The following LSR variants were observed in gnomAD, a reference collection of about 807,000 sequenced individuals.
LSR encodes lipolysis-stimulated lipoprotein receptor.
A neutral mutation model predicts 61.8 loss-of-function variants in LSR; 44 were observed. The ratio of observed to expected loss-of-function variants is 0.71; its 90% CI spans 0.56 to 0.91. The LOEUF (loss-of-function observed/expected upper bound fraction) is 0.91. LSR is among the 40% of genes least tolerant of loss of function. The pLI is 0.00. For synonymous variants in LSR, 397 were observed against 350.6 expected, an observed-to-expected ratio of 1.13 and a Z score of -1.48; for missense variants, 911 against 830.5, an observed-to-expected ratio of 1.10 and a Z score of -1.19.
At chr19:35,252,648 CAAAAAAA>C (rs57052855) in intron 2 of LSR, among the ~76,000 whole-genome samples, 2 of 74,768 alleles carry the variant, frequency 2.7e-5, no homozygotes, top group East Asian at 4.2e-4. Context: ...GACTCTGTCT[CAAAAAAA>C]AAAAAAAAAA....
chr19:35,264,904 G>A (rs2065976713), intron 5 of LSR: 1 of 152,052 alleles, frequency 6.6e-6, no homozygotes, highest in South Asian at 2.1e-4. Context: ...AGTAGTGACT[G>A]AGGGACAGGG....
intron 5 of LSR, among the ~76,000 whole-genome samples, chr19:35,265,309 A>C (rs563855328): frequency 6.6e-6 from 1 of 152,254 alleles, no homozygotes; most frequent in East Asian, 1.9e-4. Flanking sequence ...CTGTCCCCAC[A>C]CCACATTTCC....
chr19:35,262,560 G>A lies in LSR; in HGVS notation c.646G>A (p.Val216Ile), dbSNP rs747065655. Residue 216 changes from valine (V) to isoleucine (I), a missense_variant, in exon 5 of 10, where the codon GTT becomes ATT. Coordinates refer to ENST00000605618, the MANE Select transcript of LSR (RefSeq NM_205834.4). ...AGPIEDWLFV[V>I]VVCLAAFLIF... ...TCTTTCTGCAGACTGGCTCTTCGTG[G>A]TTGTGGTATGCCTGGCTGCCTTCCT... 12 of 1,614,116 alleles carry A rather than the reference G, an allele frequency of 7.4e-6. No homozygotes were observed. The highest frequency in any genetic ancestry group is 5.0e-5 in the Admixed American group (3 of 60,004).
At chr19:35,260,021 CAT>C (rs2065906250) in intron 3 of LSR, among the ~76,000 whole-genome samples, 1 of 152,190 alleles carries the variant, frequency 6.6e-6, no homozygotes, top group African/African-American at 2.4e-5. Flanking sequence ...GCCATCTTCA[CAT>C]GTGTGAATGA....
intron 3 of LSR, among the ~76,000 whole-genome samples, chr19:35,260,865 C>A (rs2065919117): frequency 6.6e-6 from 1 of 151,932 alleles, no homozygotes; most frequent in Non-Finnish European, 1.5e-5. Context: ...CGCATATAGT[C>A]CATTAGGCAT....
In LSR at chr19:35,262,441, A is replaced by G. The variant is rs368375294; in HGVS notation, c.632-105A>G. 6.8e-5 allele frequency: 91 copies of G among 1,335,570 alleles called. 1 individual carries two copies. In the African/African-American group the frequency reaches 1.2e-3, roughly 18 times the overall value. 82.7% of individuals were successfully genotyped at this position (1,335,570 alleles called of 1,614,324 possible). On this transcript the variant is annotated intron_variant, in intron 4 of 9. Coordinates refer to ENST00000605618, the MANE Select transcript of LSR (RefSeq NM_205834.4). ...GCAGGTTCCTTGGTGAGCTTTGCAAATCGTCCCCGACCTCAGTGCTGGCTC... is the reference window on the plus strand; with the variant it reads ...GCAGGTTCCTTGGTGAGCTTTGCAAGTCGTCCCCGACCTCAGTGCTGGCTC...
chr19:35,267,388 A>G lies in LSR; in HGVS notation c.1424A>G (p.Tyr475Cys). ...PTSNGGRSRA[Y>C]MPPRSRSRDD... ...AGTAATGGTGGGAGAAGCCGGGCCT[A>G]CATGCCCCCGCGGAGCCGCAGCCGG... The change falls in exon 9 of 10, where the codon TAC becomes TGC. Residue 475 changes from tyrosine to cysteine, a missense_variant. Coordinates refer to ENST00000605618, the MANE Select transcript of LSR (RefSeq NM_205834.4). The G allele has an allele frequency of 6.2e-7, 1 of 1,604,838 alleles. No individual in the cohort carries two copies.
chr19:35,266,665 C>G lies in LSR; in HGVS notation c.953-14C>G, dbSNP rs1386166205. On this transcript the variant is annotated splice_polypyrimidine_tract_variant and intron_variant, in intron 6 of 9. Transcript: ENST00000605618. ...GCTCCTGGTGCGCGGCCACTGACAG[C>G]CACTCTCCCCCAGCTGGTGGCCAAG... The G allele has an allele frequency of 1.2e-6, 2 of 1,604,990 alleles. No homozygotes were observed. The highest frequency in any genetic ancestry group is 2.7e-5 in the African/African-American group (2 of 74,942).
intron 2 of LSR, among the ~76,000 whole-genome samples, chr19:35,257,140 G>A (rs965666688): frequency 4.6e-5 from 7 of 152,078 alleles, no homozygotes; most frequent in African/African-American, 1.7e-4. Flanking sequence ...GTCCGGCCAA[G>A]AGGGTGTTCA....
intron 3 of LSR, among the ~76,000 whole-genome samples, chr19:35,261,159 C>T (rs1419737001): frequency 1.3e-5 from 2 of 151,926 alleles, no homozygotes; most frequent in East Asian, 3.9e-4. Flanking sequence ...CAGGGGCACT[C>T]GAGGGAAGAC....
Position 35,267,728 on chromosome 19 carries a change from CAAG to C in LSR, c.1768_1770del (p.Lys590del), listed in dbSNP as rs750760207. 1.2e-5 allele frequency: 20 copies of C among 1,608,042 alleles called. No individual in the cohort carries two copies. Among genetic ancestry groups the C allele is most frequent in the Admixed American group, 1.7e-5 (1 of 58,146 alleles). ...CGCAGGCGTCCCGAGAGCGCAGGCT[CAAG>C]AAGGTGAGGGCCGCCCTCCCTGGCG... is the stretch of plus-strand genomic sequence containing the variant. On this transcript the variant is annotated inframe_deletion, in exon 9 of 10. Coordinates refer to ENST00000605618, the MANE Select transcript of LSR (RefSeq NM_205834.4).
intron 2 of LSR, among the ~76,000 whole-genome samples, chr19:35,256,449 G>A (rs2065857903): frequency 6.6e-6 from 1 of 152,230 alleles, no homozygotes; most frequent in Non-Finnish European, 1.5e-5. Flanking sequence ...TCCGAAGCCT[G>A]GCTGGATAGA....
At chr19:35,249,965 C>T (rs929467165) in intron 1 of LSR, among the ~76,000 whole-genome samples, 4 of 152,124 alleles carry the variant, frequency 2.6e-5, no homozygotes, top group African/African-American at 9.7e-5. Context: ...TCAACATGGC[C>T]ATCTGGGCTT....
At chr19:35,265,180 T>C (rs1388238793) in intron 5 of LSR, among the ~76,000 whole-genome samples, 1 of 152,186 alleles carries the variant, frequency 6.6e-6, no homozygotes, top group Non-Finnish European at 1.5e-5. Context: ...TGACAGCTTT[T>C]TGCTCAGTGA....
At chr19:35,255,715 CT>C (rs2065848107) in intron 2 of LSR, among the ~76,000 whole-genome samples, 1 of 152,192 alleles carries the variant, frequency 6.6e-6, no homozygotes, top group African/African-American at 2.4e-5. Flanking sequence ...CCCTGGCCTC[CT>C]TGTTTAAAAT....
Position 35,266,800 on chromosome 19 carries a change from A to G in LSR, c.1013-36A>G. Reference sequence around the variant, plus strand: ...AAGGGAGAGGGGTGGGCCAGGATCCATCCTCCCAAACCGACCACCACCCCC... The same window carrying G: ...AAGGGAGAGGGGTGGGCCAGGATCCGTCCTCCCAAACCGACCACCACCCCC... On this transcript the variant is annotated intron_variant, in intron 7 of 9. Transcript: ENST00000605618. 3 of 1,608,014 alleles carry G rather than the reference A, an allele frequency of 1.9e-6. No homozygotes were observed. In the East Asian group the frequency reaches 6.7e-5, roughly 36 times the overall value.
At chr19:35,249,311 G>T (rs971187350) in intron 1 of LSR, 180 bp downstream of exon 1, 4 of 702,514 alleles carry the variant, frequency 5.7e-6, no homozygotes, top group Non-Finnish European at 8.7e-6. Context: ...CATTTGTGCC[G>T]GGGAGCGCTC....
At chr19:35,266,254 G>T (rs561076813) in intron 5 of LSR, 105 bp from the exon 6 acceptor site, 1 of 864,686 alleles carries the variant, frequency 1.2e-6, no homozygotes, top group East Asian at 2.5e-5. Flanking sequence ...CGGAGAGGAC[G>T]GCTTGGGAAG....
intron 3 of LSR, chr19:35,259,273 C>T (rs903062407): frequency 3.9e-6 from 2 of 512,704 alleles, no homozygotes; most frequent in Admixed American, 7.5e-5. Context: ...CCTCCAATCA[C>T]CCAAGCCAAA....
Sources: gnomAD v4.1 joint callset for allele counts (sites outside exome capture counted in the v4.1 genomes callset) on GRCh38, gnomAD v4.1.1 for gene constraint, MANE v1.5 for transcripts, NCBI Gene and HGNC (gene_info 2026-07-23, HGNC 2026-07-21) for gene names.